Variants in PDE1C observed in about 807,000 individuals in gnomAD.
PDE1C encodes the protein phosphodiesterase 1C.
In PDE1C, 62 loss-of-function variants were observed where a neutral mutation model predicts 93.1. The observed-to-expected ratio is 0.67, with a 90% CI of 0.54 to 0.82. PDE1C has a LOEUF of 0.82. PDE1C is among the 40% of genes least tolerant of loss of function. The probability of loss-of-function intolerance (pLI) is 0.00; values close to 1 mark genes in which losing one functional copy is unlikely to be tolerated. For missense variants in PDE1C, 742 were observed against 884.6 expected (o/e 0.84, Z 2.04); for synonymous variants, 325 against 310.1 (o/e 1.05, Z -0.50).
intron 2 of PDE1C, among the ~76,000 whole-genome samples, chr7:32,197,562 T>C (rs1397228108): frequency 1.3e-5 from 2 of 152,134 alleles, no homozygotes; most frequent in East Asian, 3.9e-4. Flanking sequence ...GTCCATTGAC[T>C]GAGGAAAGGA....
chr7:31,695,483 C>A, the PDE1C span: 1 of 1,602,706 alleles, frequency 6.2e-7, no homozygotes, highest in Non-Finnish European at 8.5e-7. Context: ...TCTTTCAGAC[C>A]AGTTCATTAA....
chr7:31,778,587 A>G (rs1425179448), intron 16 of PDE1C, among the ~76,000 whole-genome samples: 1 of 152,156 alleles, frequency 6.6e-6, no homozygotes, highest in Non-Finnish European at 1.5e-5. Context: ...TAGAGGCAAA[A>G]GTGCCCTCCA....
chr7:31,976,003 C>T (rs73314678), intron 2 of PDE1C, among the ~76,000 whole-genome samples: 5,906 of 152,230 alleles, frequency 0.039, 402 homozygotes, highest in African/African-American at 0.14. Flanking sequence ...TACTGATGTT[C>T]CAATAAATGA....
At chr7:31,715,019 A>T in the PDE1C span, among the ~76,000 whole-genome samples, 1 of 152,248 alleles carries the variant, frequency 6.6e-6, no homozygotes. Context: ...TTATCACCAT[A>T]TGTTCTCACC....
chr7:31,827,109 T>C (rs1389092361), intron 12 of PDE1C, among the ~76,000 whole-genome samples: 4 of 152,212 alleles, frequency 2.6e-5, no homozygotes, highest in Non-Finnish European at 5.9e-5. Context: ...CATGCTATTA[T>C]TAACACTATA....
intron 1 of PDE1C, among the ~76,000 whole-genome samples, chr7:32,421,429 C>A (rs1487401028): frequency 1.3e-5 from 2 of 152,228 alleles, no homozygotes; most frequent in East Asian, 3.9e-4. Context: ...GTGTGTGTAA[C>A]CAATATTGAC....
At chr7:31,938,697 A>G (rs1476413659) in intron 2 of PDE1C, among the ~76,000 whole-genome samples, 1 of 152,188 alleles carries the variant, frequency 6.6e-6, no homozygotes, top group Non-Finnish European at 1.5e-5. Flanking sequence ...TTTTTGTTGA[A>G]TGAATAACTG....
intron 1 of PDE1C, among the ~76,000 whole-genome samples, chr7:32,322,392 A>G (rs1376930668): frequency 1.3e-5 from 2 of 152,162 alleles, no homozygotes; most frequent in East Asian, 3.9e-4. Flanking sequence ...ACTTGAGACC[A>G]GGAGTTTGAG....
rs35138046 is a variant in PDE1C, at chr7:32,113,236, A to AATATATATATATATATATATATATAT, written c.308+56523_308+56548dup. 2.7e-3 allele frequency among the ~76,000 whole-genome samples: 253 copies of AATATATATATATATATATATATATAT among 93,888 alleles called. 4 individuals carry two copies. Among genetic ancestry groups the AATATATATATATATATATATATATAT allele is most frequent in the East Asian group, 6.2e-3 (16 of 2,594 alleles). 61.6% of individuals were successfully genotyped at this position (93,888 alleles called of 152,430 possible). On this transcript the variant is annotated intron_variant, in intron 3 of 18. Transcript: ENST00000396193. ...TATAAATATAAATATATTGTCCTTA[A>AATATATATATATATATATATATATAT]ATATATATATATATATATATATATA...
At chr7:32,038,044 A>T (rs1791339151) in intron 2 of PDE1C, among the ~76,000 whole-genome samples, 1 of 152,190 alleles carries the variant, frequency 6.6e-6, no homozygotes, top group Non-Finnish European at 1.5e-5. Flanking sequence ...CTTTTTAAAT[A>T]TATGGTGGAA....
At chr7:31,742,491 C>T in the PDE1C span, among the ~76,000 whole-genome samples, 1 of 152,178 alleles carries the variant, frequency 6.6e-6, no homozygotes, top group East Asian at 1.9e-4. Flanking sequence ...TCCCTTGAAC[C>T]CAGGTGTGTT....
intron 1 of PDE1C, among the ~76,000 whole-genome samples, chr7:32,262,245 C>T (rs536685281): frequency 6.6e-6 from 1 of 152,014 alleles, no homozygotes; most frequent in South Asian, 2.1e-4. Context: ...CACTTTATAC[C>T]CAATTCTAAG....
At chr7:32,038,612 A>G (rs1192140352) in intron 2 of PDE1C, among the ~76,000 whole-genome samples, 2 of 152,130 alleles carry the variant, frequency 1.3e-5, no homozygotes, top group African/African-American at 2.4e-5. Context: ...TTAAATTTAC[A>G]TCTCTCAGAC....
intron 1 of PDE1C, among the ~76,000 whole-genome samples, chr7:32,229,509 TGACTCTAAAG>T: frequency 6.6e-6 from 1 of 152,242 alleles, no homozygotes. Flanking sequence ...CATGTCTGGT[TGACTCTAAAG>T]CCCTTTCTTT....
intron 16 of PDE1C, among the ~76,000 whole-genome samples, chr7:31,801,282 A>C (rs1441252159): frequency 6.6e-6 from 1 of 151,340 alleles, no homozygotes; most frequent in African/African-American, 2.4e-5. Context: ...TGAGAGTGAT[A>C]ACATTATTAA....
intron 3 of PDE1C, among the ~76,000 whole-genome samples, chr7:32,135,087 G>T (rs1800128886): frequency 6.6e-6 from 1 of 152,070 alleles, no homozygotes; most frequent in Non-Finnish European, 1.5e-5. Context: ...ATAAGAAGAG[G>T]CTGAGGAAAG....
the PDE1C span, among the ~76,000 whole-genome samples, chr7:31,726,643 A>G: frequency 1.3e-5 from 2 of 152,166 alleles, no homozygotes; most frequent in Non-Finnish European, 1.5e-5. Flanking sequence ...AAAATAACCA[A>G]AGAAAGTATC....
At chr7:31,790,535 T>C (rs1361343208) in intron 16 of PDE1C, among the ~76,000 whole-genome samples, 1 of 152,134 alleles carries the variant, frequency 6.6e-6, no homozygotes, top group Non-Finnish European at 1.5e-5. Flanking sequence ...GCAGTAGGGA[T>C]ATTAAGCCAC....
chr7:32,046,804 T>C (rs1563245575), intron 2 of PDE1C, among the ~76,000 whole-genome samples: 1 of 152,060 alleles, frequency 6.6e-6, no homozygotes, highest in Non-Finnish European at 1.5e-5. Context: ...ATCTAAACAG[T>C]GCTATGATTA....
Sources: gnomAD v4.1 joint callset for allele counts (sites outside exome capture counted in the v4.1 genomes callset) on GRCh38, gnomAD v4.1.1 for gene constraint, MANE v1.5 for transcripts, NCBI Gene and HGNC (gene_info 2026-07-23, HGNC 2026-07-21) for gene names.